Variants in CSMD1 observed in about 807,000 individuals in gnomAD.
The protein encoded by CSMD1 is CUB and sushi domain-containing protein 1.
Under a neutral mutation model 417.5 loss-of-function variants are expected in CSMD1, and 213 were observed. That is an observed-to-expected ratio of 0.51 (90% CI 0.46 to 0.57). The LOEUF is 0.57. CSMD1 is among the 20% of genes least tolerant of loss of function. The pLI, the probability that CSMD1 is intolerant of heterozygous loss-of-function variation, is 0.00. For synonymous variants in CSMD1, 2,862 were observed against 1,736.8 expected (o/e 1.65, Z -16.11); for missense variants, 6,923 against 4,529.7 (o/e 1.53, Z -15.17).
intron 5 of CSMD1, among the ~76,000 whole-genome samples, chr8:3,965,050 T>A (rs112325333): frequency 6.6e-6 from 1 of 152,218 alleles, no homozygotes; most frequent in African/African-American, 2.4e-5. Context: ...CTTGTAAATA[T>A]TGAGATAAAA....
chr8:4,319,361 G>C (rs1423679008), intron 3 of CSMD1, among the ~76,000 whole-genome samples: 1 of 152,002 alleles, frequency 6.6e-6, no homozygotes, highest in Non-Finnish European at 1.5e-5. Context: ...TCCTTTTGCT[G>C]AATGTTTCTT....
At chr8:4,628,516 C>A (rs1452355764) in intron 2 of CSMD1, among the ~76,000 whole-genome samples, 1 of 150,350 alleles carries the variant, frequency 6.7e-6, no homozygotes, top group Non-Finnish European at 1.5e-5. Context: ...TAAAACTATA[C>A]AGAGAGAGAA....
intron 3 of CSMD1, among the ~76,000 whole-genome samples, chr8:4,412,307 T>A (rs1040444704): frequency 2.6e-5 from 4 of 152,116 alleles, no homozygotes; most frequent in African/African-American, 4.8e-5. Context: ...GTTGCTCTCC[T>A]GGACACAGCG....
intron 51 of CSMD1, among the ~76,000 whole-genome samples, chr8:3,020,994 T>G (rs1417087780): frequency 1.3e-5 from 2 of 152,254 alleles, no homozygotes; most frequent in Admixed American, 1.3e-4. Flanking sequence ...AGGGTGAACT[T>G]GTCCTTCAAC....
intron 5 of CSMD1, among the ~76,000 whole-genome samples, chr8:3,988,605 T>C (rs1357695187): frequency 2.0e-5 from 3 of 152,172 alleles, no homozygotes; most frequent in Non-Finnish European, 4.4e-5. Flanking sequence ...CCTGTGCACA[T>C]GACAGCTGGA....
At chr8:4,729,332 G>T (rs1028835714) in intron 1 of CSMD1, among the ~76,000 whole-genome samples, 4 of 152,166 alleles carry the variant, frequency 2.6e-5, no homozygotes, top group African/African-American at 9.7e-5. Flanking sequence ...TTGTTGGTGT[G>T]GAAATTCTGA....
At chr8:3,354,730 T>A (rs1024652944) in intron 21 of CSMD1, among the ~76,000 whole-genome samples, 18 of 151,560 alleles carry the variant, frequency 1.2e-4, no homozygotes, top group African/African-American at 4.1e-4. Flanking sequence ...GTTGTTTCAA[T>A]TTTTTAACCC....
chr8:3,452,424 G>C (rs1225088257), intron 12 of CSMD1, among the ~76,000 whole-genome samples: 1 of 152,128 alleles, frequency 6.6e-6, no homozygotes, highest in East Asian at 1.9e-4. Flanking sequence ...TCCAGTTTTT[G>C]CCCCTTCAGT....
chr8:4,657,523 CAT>C (rs904022925), intron 1 of CSMD1, among the ~76,000 whole-genome samples: 3 of 151,988 alleles, frequency 2.0e-5, no homozygotes, highest in African/African-American at 7.3e-5. Flanking sequence ...AAAGAACAAA[CAT>C]AGAAAAGAAT....
At chr8:3,250,166 T>C (rs556987738) in intron 26 of CSMD1, among the ~76,000 whole-genome samples, 22 of 152,322 alleles carry the variant, frequency 1.4e-4, no homozygotes, top group African/African-American at 5.1e-4. Flanking sequence ...CATTAAGTCG[T>C]CATTTAACAT....
Position 3,396,380 on chromosome 8 carries a change from A to T in CSMD1, c.2407T>A (p.Phe803Ile). 1 of 1,569,050 alleles carries T rather than the reference A, an allele frequency of 6.4e-7. No individual in the cohort carries two copies. The highest frequency in any genetic ancestry group is 1.2e-5 in the South Asian group (1 of 82,696). ...GTGTCATAATTGACCTCTGTCTGAA[A>T]TCTGCAAATATATACATCCCATCAG... ...GHSIKITFDRFQTEVNYDTLE... is the reference protein window; with the variant it reads ...GHSIKITFDRIQTEVNYDTLE... The change falls in exon 17 of 70, where the codon TTT becomes ATT. Residue 803 changes from phenylalanine to isoleucine, a missense_variant and splice_region_variant. Physicochemically the swap from Phe to Ile is conservative, Grantham distance 21 (BLOSUM62 0). Transcript: ENST00000635120.
At chr8:4,960,470 C>G (rs187507353) in intron 1 of CSMD1, among the ~76,000 whole-genome samples, 50 of 152,238 alleles carry the variant, frequency 3.3e-4, no homozygotes, top group African/African-American at 1.2e-3. Flanking sequence ...AAACAAAGTA[C>G]CAAACTAAGC....
chr8:4,041,792 A>AAAAC (rs1171697916), intron 3 of CSMD1, among the ~76,000 whole-genome samples: 1 of 152,154 alleles, frequency 6.6e-6, no homozygotes, highest in African/African-American at 2.4e-5. Flanking sequence ...GAAATATTAA[A>AAAAC]AAACAAACAA....
At chr8:2,950,743 G>A (rs637954) in intron 66 of CSMD1, among the ~76,000 whole-genome samples, 105,908 of 152,056 alleles carry the variant, frequency 0.7, 38,150 homozygotes, top group East Asian at 0.87. Context: ...CATATAAATC[G>A]AGGCTGTTTT....
intron 1 of CSMD1, among the ~76,000 whole-genome samples, chr8:4,914,587 A>C (rs1175761994): frequency 8.0e-5 from 1 of 12,562 alleles, no homozygotes; most frequent in Non-Finnish European, 3.4e-4. Flanking sequence ...CAAAAAGAAA[A>C]AAAAAAAAAA....
At chr8:4,444,057 G>C (rs952832687) in intron 2 of CSMD1, among the ~76,000 whole-genome samples, 1 of 152,072 alleles carries the variant, frequency 6.6e-6, no homozygotes, top group Non-Finnish European at 1.5e-5. Flanking sequence ...GTAAGATAGA[G>C]GTGGCCTGGC....
chr8:3,852,096 A>G (rs934947001), intron 5 of CSMD1, among the ~76,000 whole-genome samples: 1 of 152,224 alleles, frequency 6.6e-6, no homozygotes, highest in African/African-American at 2.4e-5. Flanking sequence ...AAGGAATTCA[A>G]GAAACAGAGG....
At chr8:4,195,174 C>T (rs892616916) in intron 3 of CSMD1, among the ~76,000 whole-genome samples, 1 of 152,186 alleles carries the variant, frequency 6.6e-6, no homozygotes, top group Non-Finnish European at 1.5e-5. Context: ...TGTGTGTACA[C>T]TGACTTGTCA....
chr8:3,940,324 C>A (rs1054455005), intron 5 of CSMD1, among the ~76,000 whole-genome samples: 4 of 151,804 alleles, frequency 2.6e-5, no homozygotes, highest in African/African-American at 9.7e-5. Context: ...TAATATTTTT[C>A]AAAATTTGTA....
Sources: gnomAD v4.1 joint callset for allele counts (sites outside exome capture counted in the v4.1 genomes callset) on GRCh38, gnomAD v4.1.1 for gene constraint, MANE v1.5 for transcripts, NCBI Gene and HGNC (gene_info 2026-07-23, HGNC 2026-07-21) for gene names.